FMN1: variants seen among roughly 807,000 people sequenced by gnomAD.
The protein encoded by FMN1 is formin 1, also known as formin-1.
A neutral mutation model predicts 132.4 loss-of-function variants in FMN1; 110 were observed. The ratio of observed to expected loss-of-function variants is 0.83; its 90% CI spans 0.71 to 0.97. FMN1 has a LOEUF of 0.97. Ranked by LOEUF, FMN1 falls within the 50% of genes least tolerant of loss-of-function variation. The probability of loss-of-function intolerance (pLI) is 0.00; values close to 1 mark genes in which losing one functional copy is unlikely to be tolerated. For synonymous variants in FMN1, 722 were observed against 651.7 expected, an observed-to-expected ratio of 1.11 and a Z score of -1.64; for missense variants, 1,792 against 1,705.3, an observed-to-expected ratio of 1.05 and a Z score of -0.90.
chr15:32,944,967 T>C (rs2061477989), intron 9 of FMN1, among the ~76,000 whole-genome samples: 1 of 152,184 alleles, frequency 6.6e-6, no homozygotes, highest in African/African-American at 2.4e-5. Context: ...AGCTTGGCCC[T>C]GCGAACAGCT....
At chr15:33,020,003 G>A (rs921155974) in intron 6 of FMN1, among the ~76,000 whole-genome samples, 22 of 152,174 alleles carry the variant, frequency 1.4e-4, no homozygotes, top group African/African-American at 5.3e-4. Context: ...AGCGAGCGAG[G>A]GCTGCCAGCA....
chr15:32,929,377 C>T (rs1156292739), intron 9 of FMN1, among the ~76,000 whole-genome samples: 1 of 152,190 alleles, frequency 6.6e-6, no homozygotes, highest in Non-Finnish European at 1.5e-5. Context: ...TTAGTCTCTT[C>T]GTCTTTTTTT....
chr15:32,910,445 T>C (rs755438862), intron 11 of FMN1, 29 bp downstream of exon 11: 22 of 1,519,340 alleles, frequency 1.4e-5, no homozygotes, highest in Non-Finnish European at 9.0e-7. Flanking sequence ...AATATGGAAA[T>C]ACTAGCTCTG....
intron 10 of FMN1, among the ~76,000 whole-genome samples, 187 bp downstream of exon 10, chr15:32,925,987 A>G (rs1359363494): frequency 6.6e-6 from 1 of 152,204 alleles, no homozygotes; most frequent in Admixed American, 6.5e-5. Flanking sequence ...AATTTGCTTC[A>G]TAACCTACTT....
chr15:33,108,911 T>C (rs2039590271), intron 4 of FMN1, among the ~76,000 whole-genome samples: 1 of 152,126 alleles, frequency 6.6e-6, no homozygotes, highest in Non-Finnish European at 1.5e-5. Flanking sequence ...CAATATTGAT[T>C]ACCACTCTGC....
chr15:32,881,649 G>C (rs567590607), intron 16 of FMN1, among the ~76,000 whole-genome samples: 79 of 152,224 alleles, frequency 5.2e-4, no homozygotes, highest in Non-Finnish European at 9.6e-4. Flanking sequence ...CTCATGACAA[G>C]ATCTAATTTT....
rs35351686 is a variant in FMN1, at chr15:33,000,451, G to GAAAA, written c.2223+7559_2223+7562dup. ...GCGACAGAGCCAGACTCCATCTCAG[G>GAAAA]AAAAAAAAAAAAAAAAAAGGAGGCG... On this transcript the variant is annotated intron_variant, in intron 7 of 20. Coordinates refer to ENST00000616417, the MANE Select transcript of FMN1 (RefSeq NM_001277313.2). Among the ~76,000 whole-genome samples the GAAAA allele has an allele frequency of 6.0e-4, 69 of 115,628 alleles. No homozygotes were observed. In the East Asian group the frequency reaches 0.013, roughly 22 times the overall value. The allele number at this position is 115,628 out of a possible 152,430, so 75.9% of individuals were successfully genotyped here.
At chr15:32,889,036 TAG>T (rs1455362905) in intron 15 of FMN1, among the ~76,000 whole-genome samples, 2 of 152,100 alleles carry the variant, frequency 1.3e-5, no homozygotes, top group Non-Finnish European at 2.9e-5. Flanking sequence ...TAATTTTTTG[TAG>T]AGACGGGGGT....
At chr15:33,111,870 G>A (rs1287307287) in intron 4 of FMN1, among the ~76,000 whole-genome samples, 1 of 152,142 alleles carries the variant, frequency 6.6e-6, no homozygotes, top group Non-Finnish European at 1.5e-5. Flanking sequence ...TGATTTTGAT[G>A]ATGGTTGTAC....
rs560023964 is a variant in FMN1 at position 32,779,218 on chromosome 15, T to C, written c.4131-2299A>G. 6.4e-4 allele frequency among the ~76,000 whole-genome samples: 97 copies of C among 152,306 alleles called. 2 individuals carry two copies. In the South Asian group the frequency reaches 0.016, roughly 26 times the overall value. On this transcript the variant is annotated intron_variant, in intron 19 of 20. Coordinates refer to ENST00000616417, the MANE Select transcript of FMN1 (RefSeq NM_001277313.2). ...CTCTAAAATCAGATAGAGGTAATGG[T>C]TGTAGACCCTTGTGAACATACTAAA...
intron 16 of FMN1, among the ~76,000 whole-genome samples, chr15:32,872,629 G>A (rs2059542117): frequency 1.3e-5 from 2 of 152,362 alleles, no homozygotes; most frequent in South Asian, 2.1e-4. Context: ...ATCAGTAAGA[G>A]GAAGAGGTAT....
intron 4 of FMN1, among the ~76,000 whole-genome samples, chr15:33,109,459 T>C (rs891253078): frequency 7.2e-5 from 11 of 151,872 alleles, no homozygotes; most frequent in East Asian, 1.9e-4. Flanking sequence ...CGATGACAGA[T>C]TGGATAAAGA....
intron 9 of FMN1, among the ~76,000 whole-genome samples, chr15:32,949,966 C>CAT (rs1555503132): frequency 2.7e-4 from 2 of 7,404 alleles, no homozygotes; most frequent in African/African-American, 5.0e-4. Context: ...TATATATATA[C>CAT]ACACATATAT....
chr15:33,071,332 C>T (rs192873539), intron 5 of FMN1, among the ~76,000 whole-genome samples: 110 of 152,330 alleles, frequency 7.2e-4, no homozygotes, highest in Non-Finnish European at 1.4e-3. Flanking sequence ...AGAAGAGACA[C>T]GGAATCCTCT....
intron 16 of FMN1, among the ~76,000 whole-genome samples, chr15:32,862,555 G>C (rs550090587): frequency 5.9e-5 from 9 of 152,128 alleles, no homozygotes; most frequent in Non-Finnish European, 1.3e-4. Context: ...TAATATTTCA[G>C]ATATTAGGCT....
intron 6 of FMN1, chr15:33,064,206 T>C (rs930954828): frequency 6.6e-6 from 1 of 152,144 alleles, no homozygotes; most frequent in East Asian, 1.9e-4. Context: ...ATACACCTAA[T>C]AAAAACAACA....
At chr15:32,953,291 T>A (rs1275688278) in intron 9 of FMN1, among the ~76,000 whole-genome samples, 1 of 152,208 alleles carries the variant, frequency 6.6e-6, no homozygotes, top group Non-Finnish European at 1.5e-5. Context: ...ATACTGTCTT[T>A]GTAAATTGAC....
intron 7 of FMN1, among the ~76,000 whole-genome samples, chr15:32,988,334 A>C (rs2033214901): frequency 1.3e-5 from 2 of 152,172 alleles, no homozygotes; most frequent in Admixed American, 1.3e-4. Flanking sequence ...AAAACAATAA[A>C]TTTGAAATTG....
intron 4 of FMN1, among the ~76,000 whole-genome samples, chr15:33,118,247 A>G (rs1415623119): frequency 2.6e-5 from 4 of 152,210 alleles, no homozygotes; most frequent in Non-Finnish European, 5.9e-5. Context: ...CCAAGCAATT[A>G]TATCGTAAGA....
Sources: gnomAD v4.1 joint callset for allele counts (sites outside exome capture counted in the v4.1 genomes callset) on GRCh38, gnomAD v4.1.1 for gene constraint, MANE v1.5 for transcripts, NCBI Gene and HGNC (gene_info 2026-07-23, HGNC 2026-07-21) for gene names.